The following TFEC variants were observed in gnomAD, a reference collection of about 807,000 sequenced individuals.
The protein encoded by TFEC is transcription factor EC.
A neutral mutation model predicts 41.6 loss-of-function variants in TFEC; 31 were observed. The ratio of observed to expected loss-of-function variants is 0.74; its 90% confidence interval spans 0.56 to 1.01. The LOEUF is 1.01. TFEC is among the 50% of genes least tolerant of loss of function. The pLI, the probability that TFEC is intolerant of heterozygous loss-of-function variation, is 0.00. For synonymous variants in TFEC, 143 were observed against 140.6 expected (o/e 1.02, Z -0.12); for missense variants, 402 against 404.1 (o/e 0.99, Z 0.04).
Position 116,006,097 on chromosome 7 carries a change from G to A in TFEC, c.-72-21584C>T, listed in dbSNP as rs572542824. Among the ~76,000 whole-genome samples the A allele has an allele frequency of 5.3e-5, 8 of 152,330 alleles. No individual in the cohort carries two copies. In the South Asian group the frequency reaches 6.2e-4, roughly 12 times the overall value. On this transcript the variant is annotated intron_variant, in intron 1 of 7. Transcript: ENST00000265440. ...ATGCCCAGGCAGAAGTTTGCTGCAG[G>A]GACAGGGCCCTCATAGAGAACCTCT...
At chr7:115,944,221 A>G (rs1321220504) in intron 6 of TFEC, among the ~76,000 whole-genome samples, 2 of 151,084 alleles carry the variant, frequency 1.3e-5, no homozygotes, top group African/African-American at 4.8e-5. Context: ...TAATAGAGTA[A>G]TTAAAGATCT....
chr7:116,049,179 G>A (rs1002551991), intron 3 of TFEC, among the ~76,000 whole-genome samples: 3 of 152,186 alleles, frequency 2.0e-5, no homozygotes, highest in African/African-American at 7.2e-5. Context: ...AAAAGACACA[G>A]ACTAGCAAAT....
At chr7:115,991,536 C>T (rs1437267523) in intron 1 of TFEC, among the ~76,000 whole-genome samples, 2 of 151,796 alleles carry the variant, frequency 1.3e-5, no homozygotes, top group African/African-American at 4.8e-5. Flanking sequence ...GGAAGATCTA[C>T]CAAGCAAATG....
intron 1 of TFEC, among the ~76,000 whole-genome samples, chr7:116,158,360 T>A (rs7800449): frequency 0.23 from 35,109 of 151,918 alleles, 4,530 homozygotes; most frequent in African/African-American, 0.35. Flanking sequence ...CATTACAGAC[T>A]AGAAAAGAAA....
At chr7:116,155,256 T>C (rs1039301787) in intron 1 of TFEC, among the ~76,000 whole-genome samples, 2 of 152,174 alleles carry the variant, frequency 1.3e-5, no homozygotes, top group African/African-American at 4.8e-5. Flanking sequence ...CTTAAAGAAC[T>C]AATATTTAAA....
intron 6 of TFEC, among the ~76,000 whole-genome samples, chr7:115,947,767 G>C (rs1791684253): frequency 2.6e-5 from 1 of 38,230 alleles, no homozygotes; most frequent in Non-Finnish European, 6.8e-5. Flanking sequence ...TGATGGGGTT[G>C]TTTGTTTTTT....
intron 1 of TFEC, among the ~76,000 whole-genome samples, chr7:116,150,299 C>A (rs150597232): frequency 6.6e-6 from 1 of 152,178 alleles, no homozygotes; most frequent in African/African-American, 2.4e-5. Context: ...ACTATAAGTG[C>A]CCATTCTCAA....
At chr7:116,132,156 C>T (rs999224336) in intron 1 of TFEC, among the ~76,000 whole-genome samples, 7 of 152,074 alleles carry the variant, frequency 4.6e-5, no homozygotes, top group South Asian at 2.1e-4. Context: ...GAGAAGCCAA[C>T]GGCATCATTT....
At chr7:116,102,249 A>C (rs1241427661) in intron 3 of TFEC, among the ~76,000 whole-genome samples, 1 of 152,204 alleles carries the variant, frequency 6.6e-6, no homozygotes, top group East Asian at 1.9e-4. Context: ...AAAATAGGTC[A>C]GTGGGAGGGT....
chr7:116,089,064 C>T (rs553831540), intron 3 of TFEC, among the ~76,000 whole-genome samples: 160 of 152,184 alleles, frequency 1.1e-3, no homozygotes, highest in African/African-American at 3.4e-3. Flanking sequence ...CCATTATCAC[C>T]ATGCCACTGT....
intron 3 of TFEC, among the ~76,000 whole-genome samples, chr7:116,048,440 A>G (rs76352303): frequency 6.6e-6 from 1 of 152,234 alleles, no homozygotes; most frequent in Non-Finnish European, 1.5e-5. Context: ...AAAAAAGAGT[A>G]AAAAGAAATG....
At chr7:116,078,279 C>G (rs903823844) in intron 3 of TFEC, among the ~76,000 whole-genome samples, 18 of 151,446 alleles carry the variant, frequency 1.2e-4, no homozygotes, top group African/African-American at 3.9e-4. Flanking sequence ...TCACACAGAA[C>G]TTGAGAAACA....
chr7:115,958,196 A>T (rs1173523800), intron 3 of TFEC, among the ~76,000 whole-genome samples: 2 of 151,856 alleles, frequency 1.3e-5, no homozygotes, highest in Admixed American at 6.6e-5. Flanking sequence ...CAATTTTCTC[A>T]TCTGTAAAAT....
intron 1 of TFEC, among the ~76,000 whole-genome samples, chr7:116,004,219 A>G (rs1794703540): frequency 6.6e-6 from 1 of 152,186 alleles, no homozygotes; most frequent in African/African-American, 2.4e-5. Flanking sequence ...AATAAAATTA[A>G]TAAGCCTCTA....
intron 1 of TFEC, among the ~76,000 whole-genome samples, chr7:116,125,775 G>A (rs1037757446): frequency 1.2e-4 from 19 of 152,140 alleles, no homozygotes; most frequent in African/African-American, 4.1e-4. Context: ...TGGTGCCTCC[G>A]GGGATTGGAC....
chr7:116,144,488 G>A lies in TFEC; in HGVS notation c.-69+15302C>T, dbSNP rs573599319. Among the ~76,000 whole-genome samples the A allele has an allele frequency of 5.9e-5, 9 of 152,126 alleles. No homozygotes were observed. The East Asian group carries it at 1.5e-3, about 26-fold the overall frequency. On this transcript the variant is annotated intron_variant, in intron 1 of 8. Transcript: ENST00000484212. ...AACACGGTCTAGATTTTGGTATGGA[G>A]GTATTTTTTAATGTGATTTACACTG...
At chr7:115,944,194 C>A (rs1562876885) in intron 6 of TFEC, among the ~76,000 whole-genome samples, 1 of 150,444 alleles carries the variant, frequency 6.6e-6, no homozygotes, top group Non-Finnish European at 1.5e-5. Flanking sequence ...AAACTTTTTA[C>A]AGTGCAAAAA....
At chr7:116,095,723 C>T (rs183017265) in intron 3 of TFEC, among the ~76,000 whole-genome samples, 2 of 152,306 alleles carry the variant, frequency 1.3e-5, no homozygotes, top group Admixed American at 1.3e-4. Context: ...AGTTCAATGA[C>T]CTTTAGGGAT....
chr7:116,057,188 T>C (rs1007076825), intron 3 of TFEC, among the ~76,000 whole-genome samples: 5 of 151,902 alleles, frequency 3.3e-5, no homozygotes, highest in African/African-American at 1.2e-4. Context: ...ATTCAAGTGG[T>C]CTAAAATGTA....
Sources: gnomAD v4.1 joint callset for allele counts (sites outside exome capture counted in the v4.1 genomes callset) on GRCh38, gnomAD v4.1.1 for gene constraint, MANE v1.5 for transcripts, NCBI Gene and HGNC (gene_info 2026-07-23, HGNC 2026-07-21) for gene names.